The following PACSIN2 variants were observed in gnomAD, a reference collection of about 807,000 sequenced individuals.
PACSIN2 encodes the protein protein kinase C and casein kinase substrate in neurons 2, also known as protein kinase C and casein kinase substrate in neurons protein 2.
In PACSIN2, 25 loss-of-function variants were observed where a neutral mutation model predicts 63.8. The ratio of observed to expected loss-of-function variants is 0.39; its 90% CI spans 0.29 to 0.55. The LOEUF (loss-of-function observed/expected upper bound fraction) is 0.55. PACSIN2 is among the 20% of genes least tolerant of loss of function. The probability of loss-of-function intolerance (pLI) is 0.62; values close to 1 mark genes in which losing one functional copy is unlikely to be tolerated. For missense variants in PACSIN2, 518 were observed against 646.9 expected (o/e 0.80, Z 2.16); for synonymous variants, 255 against 256.2 (o/e 1.00, Z 0.05).
At chr22:42,974,760 AAAAAAG>A (rs1408750334) in intron 1 of PACSIN2, among the ~76,000 whole-genome samples, 19 of 151,494 alleles carry the variant, frequency 1.3e-4, no homozygotes, top group African/African-American at 4.1e-4. Context: ...AAAAAAAAAA[AAAAAAG>A]AAAAGAAAAG....
intron 1 of PACSIN2, among the ~76,000 whole-genome samples, chr22:43,011,903 T>C (rs6519357): frequency 0.36 from 53,949 of 151,486 alleles, 10,881 homozygotes; most frequent in Non-Finnish European, 0.46. Context: ...TCCCAGCACT[T>C]TGGGAGGCCA....
At chr22:42,977,652 C>T (rs192415931) in intron 1 of PACSIN2, among the ~76,000 whole-genome samples, 1 of 152,204 alleles carries the variant, frequency 6.6e-6, no homozygotes, top group East Asian at 1.9e-4. Flanking sequence ...AATTGTAATC[C>T]CTGTGTGGCA....
intron 2 of PACSIN2, among the ~76,000 whole-genome samples, chr22:42,910,592 T>G (rs1245499601): frequency 3.3e-5 from 5 of 152,208 alleles, no homozygotes; most frequent in Non-Finnish European, 7.3e-5. Context: ...TCATCTAGTT[T>G]CACGGCCAAC....
intron 1 of PACSIN2, among the ~76,000 whole-genome samples, chr22:42,917,906 G>A (rs992865714): frequency 6.6e-6 from 1 of 152,084 alleles, no homozygotes; most frequent in Non-Finnish European, 1.5e-5. Context: ...ACTACAGAGT[G>A]TGTGCCACTG....
chr22:42,926,004 T>A (rs563487161), intron 1 of PACSIN2, among the ~76,000 whole-genome samples: 1 of 152,250 alleles, frequency 6.6e-6, no homozygotes, highest in Non-Finnish European at 1.5e-5. Context: ...CAGTGGGCGC[T>A]CAGGAAGTAA....
At chr22:42,960,525 T>C (rs1934093062) in intron 1 of PACSIN2, among the ~76,000 whole-genome samples, 1 of 152,164 alleles carries the variant, frequency 6.6e-6, no homozygotes, top group African/African-American at 2.4e-5. Flanking sequence ...TAAAAACACC[T>C]CGCTTCTTCA....
Position 43,000,061 on chromosome 22 carries a change from G to A in PACSIN2, c.-78+14960C>T, listed in dbSNP as rs1312991153. On this transcript the variant is annotated intron_variant, in intron 1 of 10. Coordinates refer to ENST00000263246, the MANE Select transcript of PACSIN2 (RefSeq NM_001184970.3). ...GGTATCACAACCAATCTCAGAGCTG[G>A]GATTCAAGCCCAGGCAATCTGGTTG... Among the ~76,000 whole-genome samples the A allele has an allele frequency of 6.6e-5, 10 of 152,310 alleles. No individual in the cohort carries two copies. In the South Asian group the frequency reaches 1.4e-3, roughly 22 times the overall value.
intron 1 of PACSIN2, among the ~76,000 whole-genome samples, chr22:42,950,124 C>T (rs1270215024): frequency 6.6e-6 from 1 of 152,098 alleles, no homozygotes; most frequent in East Asian, 1.9e-4. Flanking sequence ...TAAACATGTA[C>T]AGACTTTTTT....
intron 1 of PACSIN2, among the ~76,000 whole-genome samples, chr22:42,997,796 A>G (rs1268867762): frequency 6.6e-6 from 1 of 150,476 alleles, no homozygotes; most frequent in African/African-American, 2.4e-5. Flanking sequence ...CAGGAGAATC[A>G]TCTGAACCCG....
Position 42,871,192 on chromosome 22 carries a change from C to T in PACSIN2, c.*165G>A, listed in dbSNP as rs1342242116. On this transcript the variant is annotated 3_prime_UTR_variant, in exon 11 of 11. Coordinates refer to ENST00000263246, the MANE Select transcript of PACSIN2 (RefSeq NM_001184970.3). The surrounding 1 kb of genome is among the most constrained non-coding windows in gnomAD (Gnocchi z 5.4). ...CCTCCAGCTGCACTCGGAAAGGTGCCGAGTCCCAGGCGAAATGACCAGCTC... is the reference window on the plus strand; with the variant it reads ...CCTCCAGCTGCACTCGGAAAGGTGCTGAGTCCCAGGCGAAATGACCAGCTC... 20 of 624,478 alleles carry T rather than the reference C, an allele frequency of 3.2e-5. No homozygotes were observed. The highest frequency in any genetic ancestry group is 5.2e-5 in the Non-Finnish European group (18 of 344,302). 38.7% of individuals were successfully genotyped at this position (624,478 alleles called of 1,614,324 possible). A position where few individuals can be genotyped will look rare whatever the true frequency, so the allele number is the denominator to read the frequency against.
At position 42,975,619 on chromosome 22, in the gene PACSIN2, TTTC is replaced by T. The variant is rs561870937; in HGVS notation, c.-78+39399_-78+39401del. Among the ~76,000 whole-genome samples, 23 of 148,990 alleles carry T rather than the reference TTTC, an allele frequency of 1.5e-4. 1 individual carries two copies. The South Asian group carries it at 4.9e-3, about 32-fold the overall frequency. On this transcript the variant is annotated intron_variant, in intron 1 of 10. Coordinates refer to ENST00000263246, the MANE Select transcript of PACSIN2 (RefSeq NM_001184970.3). ...ACATGTGTATAAGTATTCTTTTTTT[TTTC>T]CCTTTTTCTAACCAGAGCCTTGTCA...
At chr22:42,942,780 G>C (rs1240769675) in intron 1 of PACSIN2, among the ~76,000 whole-genome samples, 2 of 152,142 alleles carry the variant, frequency 1.3e-5, no homozygotes, top group East Asian at 3.8e-4. Flanking sequence ...CTATCCTTAT[G>C]CCCGCACCAC....
chr22:42,992,732 T>C (rs1569360415), intron 1 of PACSIN2, among the ~76,000 whole-genome samples: 2 of 152,248 alleles, frequency 1.3e-5, no homozygotes, highest in Admixed American at 6.5e-5. Context: ...CGTCTGTCAA[T>C]AGGTGAATGA....
intron 1 of PACSIN2, among the ~76,000 whole-genome samples, chr22:42,993,952 C>T (rs1923223506): frequency 6.6e-6 from 1 of 152,192 alleles, no homozygotes; most frequent in South Asian, 2.1e-4. Context: ...CTGCTCACCC[C>T]CAAGCCACAG....
intron 1 of PACSIN2, among the ~76,000 whole-genome samples, chr22:42,996,898 G>A (rs1175898913): frequency 6.6e-6 from 1 of 152,246 alleles, no homozygotes; most frequent in African/African-American, 2.4e-5. Flanking sequence ...AAGTTGTCAT[G>A]AGAATAAGTG....
intron 1 of PACSIN2, among the ~76,000 whole-genome samples, chr22:42,936,203 G>A (rs1026849271): frequency 4.0e-4 from 54 of 136,658 alleles, no homozygotes; most frequent in Admixed American, 7.1e-4. Context: ...GCGGCAGAGC[G>A]AGACTCCGTC....
At position 42,876,302 on chromosome 22, in the gene PACSIN2, G is replaced by A; in HGVS notation, c.1183C>T (p.Pro395Ser). The A allele has an allele frequency of 6.2e-7, 1 of 1,614,188 alleles. No individual in the cohort carries two copies. Among genetic ancestry groups the A allele is most frequent in the South Asian group, 1.1e-5 (1 of 91,084 alleles). Residue 395 changes from proline to serine, a missense_variant, in exon 10 of 11, where the codon CCC (proline) becomes TCC (serine). Transcript: ENST00000263246. ...VSSYEKTQSY[P>S]TDWSDDESNN... Reference sequence around the variant, plus strand: ...GACTCATCGTCTGACCAGTCGGTGGGATAGCTCTGGGTCTTCTCGTAGCTG... The same window carrying A: ...GACTCATCGTCTGACCAGTCGGTGGAATAGCTCTGGGTCTTCTCGTAGCTG...
At chr22:42,898,809 G>T (rs539005295) in intron 2 of PACSIN2, among the ~76,000 whole-genome samples, 1 of 152,292 alleles carries the variant, frequency 6.6e-6, no homozygotes, top group South Asian at 2.1e-4. Context: ...CCAAGCCTCA[G>T]TTTTAAAGTC....
intron 1 of PACSIN2, among the ~76,000 whole-genome samples, chr22:42,940,195 C>G (rs1356002742): frequency 1.3e-5 from 2 of 152,164 alleles, no homozygotes; most frequent in Non-Finnish European, 2.9e-5. Flanking sequence ...AAGTGGAAAG[C>G]ATGCACGGGC....
Sources: allele counts gnomAD v4.1 joint callset (sites outside exome capture counted in the v4.1 genomes callset), GRCh38; gene constraint gnomAD v4.1.1; non-coding constraint Gnocchi (gnomAD v3.1); transcripts MANE v1.5; gene names NCBI Gene and HGNC (gene_info 2026-07-23, HGNC 2026-07-21).